MRPL28: variants seen among roughly 807,000 people sequenced by gnomAD.
The protein encoded by MRPL28 is mitochondrial ribosomal protein L28, also known as large ribosomal subunit protein bL28m.
A neutral mutation model predicts 26.2 loss-of-function variants in MRPL28; 25 were observed. The ratio of observed to expected loss-of-function variants is 0.95; its 90% CI spans 0.69 to 1.33. The LOEUF is 1.33. Ranked by LOEUF, MRPL28 falls within the 40% of genes most tolerant of loss-of-function variation. The pLI is 0.00. For synonymous variants in MRPL28, 227 were observed against 140.1 expected, an observed-to-expected ratio of 1.62 and a Z score of -4.38; for missense variants, 432 against 327.2, an observed-to-expected ratio of 1.32 and a Z score of -2.47.
chr16:367,274 G>T lies in MRPL28; in HGVS notation c.*401C>A. Reference sequence around the variant, plus strand: ...CGCTCTCTGCAGCTCACCGGGGGACGGGCACAGCCAGAGTCAATGCCCACG... The same window carrying T: ...CGCTCTCTGCAGCTCACCGGGGGACTGGCACAGCCAGAGTCAATGCCCACG... On this transcript the variant is annotated 3_prime_UTR_variant, in exon 6 of 6. Coordinates refer to ENST00000199706, the MANE Select transcript of MRPL28 (RefSeq NM_006428.5). 1 of 571,184 alleles carries T rather than the reference G, an allele frequency of 1.8e-6. No individual in the cohort carries two copies. 35.4% of individuals were successfully genotyped at this position (571,184 alleles called of 1,614,324 possible).
At chr16:369,433 C>A (rs2054296185) in intron 2 of MRPL28, 1 of 638,504 alleles carries the variant, frequency 1.6e-6, no homozygotes, top group Admixed American at 2.7e-5. Context: ...CAGCTGCTCC[C>A]CAACAAGCTG....
chr16:369,428 G>A (rs948111744), intron 2 of MRPL28: 4 of 641,942 alleles, frequency 6.2e-6, no homozygotes, highest in South Asian at 3.7e-5. Context: ...GAAGTCAGCT[G>A]CTCCCCAACA....
chr16:367,650 G>C lies in MRPL28; in HGVS notation c.*25C>G. 6.3e-7 allele frequency: 1 copy of C among 1,586,392 alleles called. No homozygotes were observed. On this transcript the variant is annotated 3_prime_UTR_variant, in exon 6 of 6. Transcript: ENST00000199706. ...CCTGGCAGGGAAAGCTGGGCCTGTTGGTCAGGCATGGAGGAGCTGTGTGGT... is the reference window on the plus strand; with the variant it reads ...CCTGGCAGGGAAAGCTGGGCCTGTTCGTCAGGCATGGAGGAGCTGTGTGGT...
chr16:367,986 G>C (rs761162356), intron 5 of MRPL28, among the ~76,000 whole-genome samples: 11 of 152,360 alleles, frequency 7.2e-5, no homozygotes, highest in Admixed American at 3.9e-4. Flanking sequence ...CTGTGGTCAT[G>C]GATAAACAGA....
intron 4 of MRPL28, 27 bp downstream of exon 4, chr16:368,474 T>C (rs1414926361): frequency 1.2e-6 from 2 of 1,611,516 alleles, no homozygotes; most frequent in Non-Finnish European, 1.7e-6. Context: ...AGTCCCCAGG[T>C]GTAGGGAGCG....
intron 3 of MRPL28, 150 bp downstream of exon 3, chr16:368,918 C>T: frequency 8.9e-7 from 1 of 1,127,084 alleles, no homozygotes; most frequent in South Asian, 1.6e-5. Flanking sequence ...TGGTGCTGGC[C>T]AGAAAGGGGC....
chr16:368,856 C>G, intron 3 of MRPL28: 1 of 978,214 alleles, frequency 1.0e-6, no homozygotes, highest in Admixed American at 2.9e-5. Flanking sequence ...GCCCCACGGG[C>G]AAGTCAGCCA....
At chr16:367,978 G>A (rs559403189) in intron 5 of MRPL28, among the ~76,000 whole-genome samples, 196 bp from the exon 6 acceptor site, 1 of 152,226 alleles carries the variant, frequency 6.6e-6, no homozygotes, top group Non-Finnish European at 1.5e-5. Context: ...TCCCATCCCT[G>A]TGGTCATGGA....
chr16:369,400 G>T (rs1048575635), intron 2 of MRPL28, 180 bp from the exon 3 acceptor site: 57 of 727,588 alleles, frequency 7.8e-5, no homozygotes, highest in Non-Finnish European at 1.1e-4. Flanking sequence ...CCCGACCCGG[G>T]TCCTGACTGT....
rs1477313312 is a variant in MRPL28, at chr16:369,918, C to T, written c.288+13G>A. On this transcript the variant is annotated intron_variant, in intron 2 of 5. Transcript: ENST00000199706. ...CCCTGAGAGGAGCCCCTGAAGGCCG[C>T]CTGCGGACCCACCTTGTCGTTGTTG... The T allele has an allele frequency of 1.9e-6, 3 of 1,601,496 alleles. No homozygotes were observed. The highest frequency in any genetic ancestry group is 2.6e-6 in the Non-Finnish European group (3 of 1,176,398).
rs1474963213 is a variant in MRPL28, at chr16:367,685, C to T, written c.761G>A (p.Ser254Asn). The change falls in exon 6 of 6, where the codon AGT (serine) becomes AAT (asparagine). Residue 254 changes from serine (S) to asparagine (N), a missense_variant. By Grantham distance (46) the Ser-to-Asn change is conservative. Coordinates refer to ENST00000199706, the MANE Select transcript of MRPL28 (RefSeq NM_006428.5). ...GGAGGAGCTGTGTGGTCACTGGCCACTGGCTCTCTTCTGCACCACCGCCGG... is the reference window on the plus strand; with the variant it reads ...GGAGGAGCTGTGTGGTCACTGGCCATTGGCTCTCTTCTGCACCACCGCCGG... ...SEPAVVQKRA[S>N]GQ is the part of the protein sequence containing the mutation. 6.2e-7 allele frequency: 1 copy of T among 1,613,686 alleles called. No individual in the cohort carries two copies. The highest frequency in any genetic ancestry group is 1.1e-5 in the South Asian group (1 of 91,078).
Position 367,676 on chromosome 16 carries a change from C to T in MRPL28, c.770G>A (p.Ter257=). 6.2e-7 allele frequency: 1 copy of T among 1,613,172 alleles called. No homozygotes were observed. Among genetic ancestry groups the T allele is most frequent in the Non-Finnish European group, 8.5e-7 (1 of 1,179,580 alleles). The stretch of plus-strand genomic sequence containing the variant: ...GTCAGGCATGGAGGAGCTGTGTGGT[C>T]ACTGGCCACTGGCTCTCTTCTGCAC... ...AVVQKRASGQ[*] Residue 257 remains the stop codon, a stop_retained_variant, in exon 6 of 6, where the codon TGA becomes TAA. Coordinates refer to ENST00000199706, the MANE Select transcript of MRPL28 (RefSeq NM_006428.5).
In MRPL28 at chr16:369,223, G is replaced by A. The variant is rs369475876; in HGVS notation, c.289-3C>T. 3 of 1,613,790 alleles carry A rather than the reference G, an allele frequency of 1.9e-6. No homozygotes were observed. The highest frequency in any genetic ancestry group is 2.5e-6 in the Non-Finnish European group (3 of 1,179,830). On this transcript the variant is annotated splice_region_variant and splice_polypyrimidine_tract_variant and intron_variant, in intron 2 of 5. Transcript: ENST00000199706. Reference sequence around the variant, plus strand: ...ACTTTCTTCAGCCTCTTGGAGAGCTGAGGGTGCAACAGAGCCTCCATGAGT... The same window carrying A: ...ACTTTCTTCAGCCTCTTGGAGAGCTAAGGGTGCAACAGAGCCTCCATGAGT...
chr16:369,493 T>C (rs2054297162), intron 2 of MRPL28: 1 of 633,776 alleles, frequency 1.6e-6, no homozygotes, highest in African/African-American at 1.8e-5. Context: ...CAGAAACATG[T>C]GCGACCCCAC....
In MRPL28 at chr16:368,414, C is replaced by T; in HGVS notation, c.577G>A (p.Glu193Lys). 6.2e-7 allele frequency: 1 copy of T among 1,613,766 alleles called. No homozygotes were observed. Among genetic ancestry groups the T allele is most frequent in the Non-Finnish European group, 8.5e-7 (1 of 1,179,990 alleles). Residue 193 changes from glutamate (E) to lysine (K), a missense_variant and splice_region_variant, in exon 5 of 6, where the codon GAA becomes AAA. Physicochemically the swap from Glu to Lys is moderately conservative, Grantham distance 56. Transcript: ENST00000199706. Reference sequence around the variant, plus strand: ...GCCTCCTCCTCTGGGATGGCAAATTCCTAGGCAGGCAGAGATGGAAAGGGC... The same window carrying T: ...GCCTCCTCCTCTGGGATGGCAAATTTCTAGGCAGGCAGAGATGGAAAGGGC... ...RRAAIYDKYK[E>K]FAIPEEEAEW... is the part of the protein sequence containing the mutation.
rs1187151697 is a variant in MRPL28 at position 369,235 on chromosome 16, G to A, written c.289-15C>T. On this transcript the variant is annotated splice_polypyrimidine_tract_variant and intron_variant, in intron 2 of 5. Coordinates refer to ENST00000199706, the MANE Select transcript of MRPL28 (RefSeq NM_006428.5). ...CTCTTGGAGAGCTGAGGGTGCAACA[G>A]AGCCTCCATGAGTACTGCTGCTTTC... The A allele has an allele frequency of 8.1e-6, 13 of 1,612,862 alleles. No homozygotes were observed. The highest frequency in any genetic ancestry group is 1.6e-4 in the Middle Eastern group (1 of 6,068).
intron 2 of MRPL28, chr16:369,614 C>CCTGACCTGCTCTGCTCGCCTCT (rs2054299178): frequency 9.8e-6 from 7 of 715,396 alleles, no homozygotes; most frequent in African/African-American, 8.8e-5. Flanking sequence ...TGCTCGCCTC[C>CCTGACCTGCTCTGCTCGCCTCT]CCCACCTGCT....
Position 367,794 on chromosome 16 carries a change from A to G in MRPL28, c.664-12T>C, listed in dbSNP as rs1294779567. On this transcript the variant is annotated splice_polypyrimidine_tract_variant and intron_variant, in intron 5 of 5. Transcript: ENST00000199706. ...AGGGGTACAGGGTCCTGAAGGAGAG[A>G]GGGGCTCATGGTGAGGCCAGGGAAG... 1 of 1,610,916 alleles carries G rather than the reference A, an allele frequency of 6.2e-7. No homozygotes were observed. Among genetic ancestry groups the G allele is most frequent in the East Asian group, 2.2e-5 (1 of 44,866 alleles).
At chr16:369,865 C>A (rs1172253763) in intron 2 of MRPL28, 66 bp downstream of exon 2, 2 of 1,544,764 alleles carry the variant, frequency 1.3e-6, no homozygotes, top group East Asian at 4.5e-5. Flanking sequence ...GTACCCCGGG[C>A]GTCCGGCACA....
Sources: gnomAD v4.1 joint callset for allele counts (sites outside exome capture counted in the v4.1 genomes callset) on GRCh38, gnomAD v4.1.1 for gene constraint, MANE v1.5 for transcripts, NCBI Gene and HGNC (gene_info 2026-07-23, HGNC 2026-07-21) for gene names.